The following SCAF8 variants were observed in gnomAD, a reference collection of about 807,000 sequenced individuals.
SCAF8 encodes the protein SR-related and CTD-associated factor 8.
In SCAF8, 23 loss-of-function variants were observed where a neutral mutation model predicts 140.5. The observed-to-expected ratio is 0.16, with a 90% CI of 0.12 to 0.23. SCAF8 has a LOEUF of 0.23. SCAF8 is among the 10% of genes least tolerant of loss of function. The pLI, the probability that SCAF8 is intolerant of heterozygous loss-of-function variation, is 1.00. For missense variants in SCAF8, 1,397 were observed against 1,555.7 expected, an observed-to-expected ratio of 0.90 and a Z score of 1.72; for synonymous variants, 575 against 528.9, an observed-to-expected ratio of 1.09 and a Z score of -1.20.
intron 1 of SCAF8, among the ~76,000 whole-genome samples, chr6:154,770,497 G>A (rs1010872116): frequency 6.6e-6 from 1 of 151,844 alleles, no homozygotes; most frequent in African/African-American, 2.4e-5. Context: ...GTTGAGCCTG[G>A]GAGGTCAAGG....
intron 1 of SCAF8, among the ~76,000 whole-genome samples, chr6:154,773,052 G>C (rs188995161): frequency 3.7e-4 from 57 of 152,290 alleles, no homozygotes; most frequent in Non-Finnish European, 7.6e-4. Flanking sequence ...GAGCCACCTT[G>C]CCTGGCCAGA....
chr6:154,737,835 C>A (rs1413628280), intron 1 of SCAF8, among the ~76,000 whole-genome samples: 2 of 152,094 alleles, frequency 1.3e-5, no homozygotes, highest in Non-Finnish European at 2.9e-5. Flanking sequence ...TGCCCACCTC[C>A]CCTCCCAAAG....
intron 6 of SCAF8, among the ~76,000 whole-genome samples, chr6:154,796,182 A>G (rs1777596092): frequency 6.6e-6 from 1 of 151,986 alleles, no homozygotes; most frequent in East Asian, 1.9e-4. Flanking sequence ...TTTTTGTCCC[A>G]CTGTGATGTT....
intron 6 of SCAF8, 41 bp downstream of exon 6, chr6:154,795,180 T>G (rs1291094099): frequency 1.3e-6 from 2 of 1,548,078 alleles, no homozygotes; most frequent in East Asian, 4.7e-5. Context: ...ATTTAGAATT[T>G]AATATTTTCC....
At chr6:154,734,884 G>C (rs887365594) in intron 1 of SCAF8, among the ~76,000 whole-genome samples, 2 of 152,174 alleles carry the variant, frequency 1.3e-5, no homozygotes, top group Non-Finnish European at 2.9e-5. Flanking sequence ...CAGCACTTTG[G>C]GAGGCCGAGG....
At chr6:154,778,674 G>C (rs1244734926) in intron 3 of SCAF8, among the ~76,000 whole-genome samples, 1 of 152,042 alleles carries the variant, frequency 6.6e-6, no homozygotes. Flanking sequence ...TGAGGCACAA[G>C]AATTGCTTGA....
At chr6:154,798,293 C>G (rs1009033548) in intron 6 of SCAF8, among the ~76,000 whole-genome samples, 4 of 151,404 alleles carry the variant, frequency 2.6e-5, no homozygotes, top group African/African-American at 7.3e-5. Context: ...CAGGAAAGTT[C>G]TGTTATACAG....
At chr6:154,744,884 A>C (rs1279502149) in intron 1 of SCAF8, among the ~76,000 whole-genome samples, 1 of 152,240 alleles carries the variant, frequency 6.6e-6, no homozygotes, top group East Asian at 1.9e-4. Context: ...AAATGAACAC[A>C]TAATTTCTTT....
At position 154,808,055 on chromosome 6, in the gene SCAF8, A is replaced by G. The variant is rs772938117; in HGVS notation, c.982-15A>G. On this transcript the variant is annotated splice_polypyrimidine_tract_variant and intron_variant, in intron 9 of 19. Coordinates refer to ENST00000367178, the MANE Select transcript of SCAF8 (RefSeq NM_014892.5). ...TATCTCCCAATCTTTGTGTGTTTGTATATGTTCTCAATAGGCCACTCCTCA... is the reference window on the plus strand; with the variant it reads ...TATCTCCCAATCTTTGTGTGTTTGTGTATGTTCTCAATAGGCCACTCCTCA... 5 of 1,602,914 alleles carry G rather than the reference A, an allele frequency of 3.1e-6. No homozygotes were observed. The highest frequency in any genetic ancestry group is 1.8e-5 in the Admixed American group (1 of 57,142).
chr6:154,733,691 C>A lies in SCAF8; in HGVS notation c.-210C>A. On this transcript the variant is annotated 5_prime_UTR_variant, in exon 1 of 20. Transcript: ENST00000367178. ...TCCCTAGAACGGCGCTCCCCCCGCCCTAGCGGCCATGCCGGTGCCGCTCTG... is the reference window on the plus strand; with the variant it reads ...TCCCTAGAACGGCGCTCCCCCCGCCATAGCGGCCATGCCGGTGCCGCTCTG... 3.0e-6 allele frequency: 4 copies of A among 1,312,394 alleles called. No individual in the cohort carries two copies. In the South Asian group the frequency reaches 8.7e-5, roughly 29 times the overall value. 81.3% of individuals were successfully genotyped at this position (1,312,394 alleles called of 1,614,324 possible).
At chr6:154,819,468 A>G (rs114399996) in intron 14 of SCAF8, among the ~76,000 whole-genome samples, 1,561 of 151,692 alleles carry the variant, frequency 0.01, 31 homozygotes, top group African/African-American at 0.036. Context: ...GTATGCTTCT[A>G]TGGTCCCAGC....
chr6:154,767,350 C>T (rs1379406407), intron 1 of SCAF8, among the ~76,000 whole-genome samples: 2 of 151,834 alleles, frequency 1.3e-5, no homozygotes, highest in South Asian at 2.1e-4. Context: ...TGCCTCTCTT[C>T]CTTACCAGTA....
At chr6:154,804,437 T>C (rs1175531164) in intron 8 of SCAF8, among the ~76,000 whole-genome samples, 1 of 152,214 alleles carries the variant, frequency 6.6e-6, no homozygotes, top group Non-Finnish European at 1.5e-5. Flanking sequence ...AAGAATCTCC[T>C]TTAACAGTCC....
At chr6:154,822,911 C>T (rs901939197) in intron 16 of SCAF8, among the ~76,000 whole-genome samples, 13 of 152,006 alleles carry the variant, frequency 8.6e-5, no homozygotes, top group South Asian at 6.2e-4. Context: ...TGACAGAAAA[C>T]GTAAAATAAA....
chr6:154,754,227 A>G (rs1168931015), intron 1 of SCAF8, among the ~76,000 whole-genome samples: 1 of 152,208 alleles, frequency 6.6e-6, no homozygotes, highest in Non-Finnish European at 1.5e-5. Context: ...TTCATGCTTA[A>G]AATTCATGTT....
chr6:154,799,620 T>C (rs1373684016), intron 6 of SCAF8, among the ~76,000 whole-genome samples: 1 of 151,326 alleles, frequency 6.6e-6, no homozygotes, highest in African/African-American at 2.4e-5. Context: ...TGTTCCATCC[T>C]TTTTGTTGTT....
At chr6:154,808,336 G>C (rs1385527892) in intron 10 of SCAF8, 135 bp downstream of exon 10, 2 of 929,448 alleles carry the variant, frequency 2.2e-6, no homozygotes, top group Non-Finnish European at 3.2e-6. Flanking sequence ...TCACCTATTA[G>C]GCCAAGCTTG....
chr6:154,833,421 CT>C lies in SCAF8; in HGVS notation c.*30del. 2 of 1,592,262 alleles carry C rather than the reference CT, an allele frequency of 1.3e-6. No individual in the cohort carries two copies. Among genetic ancestry groups the C allele is most frequent in the Non-Finnish European group, 1.7e-6 (2 of 1,171,154 alleles). On this transcript the variant is annotated 3_prime_UTR_variant, in exon 20 of 20. Coordinates refer to ENST00000367178, the MANE Select transcript of SCAF8 (RefSeq NM_014892.5). Reference sequence around the variant, plus strand: ...TCATCACTCAGTAGGTAAAAGATACCTTTTGTAAAGTTGTCATCTCTCTGTA... The same window carrying C: ...TCATCACTCAGTAGGTAAAAGATACCTTTGTAAAGTTGTCATCTCTCTGTA...
At position 154,733,759 on chromosome 6, in the gene SCAF8, C is replaced by T. The variant is rs1046065579; in HGVS notation, c.-142C>T. 1.3e-5 allele frequency: 17 copies of T among 1,358,220 alleles called. No homozygotes were observed. Among genetic ancestry groups the T allele is most frequent in the Non-Finnish European group, 1.5e-5 (16 of 1,060,452 alleles). 84.1% of individuals were successfully genotyped at this position (1,358,220 alleles called of 1,614,324 possible). On this transcript the variant is annotated 5_prime_UTR_variant, in exon 1 of 20. Coordinates refer to ENST00000367178, the MANE Select transcript of SCAF8 (RefSeq NM_014892.5). Reference sequence around the variant, plus strand: ...CCCCGCCAGCGCGTGCCCTTCCACTCCGCCCCGAGGTCGCAGCGGCCCGCT... The same window carrying T: ...CCCCGCCAGCGCGTGCCCTTCCACTTCGCCCCGAGGTCGCAGCGGCCCGCT...
Sources: gnomAD v4.1 joint callset for allele counts (sites outside exome capture counted in the v4.1 genomes callset) on GRCh38, gnomAD v4.1.1 for gene constraint, MANE v1.5 for transcripts, NCBI Gene and HGNC (gene_info 2026-07-23, HGNC 2026-07-21) for gene names.